The following TRPM6 variants were observed in gnomAD, a reference collection of about 807,000 sequenced individuals.
TRPM6 encodes the protein transient receptor potential cation channel subfamily M member 6.
In TRPM6, 111 loss-of-function variants were observed where a neutral mutation model predicts 247.6. That is an observed-to-expected ratio of 0.45 (90% CI 0.38 to 0.52). The LOEUF (loss-of-function observed/expected upper bound fraction) is 0.52, where lower values mean the gene tolerates loss of function less well. Ranked by LOEUF, TRPM6 falls within the 20% of genes least tolerant of loss-of-function variation. The probability of loss-of-function intolerance (pLI) is 0.00; values close to 1 mark genes in which losing one functional copy is unlikely to be tolerated. For synonymous variants in TRPM6, 892 were observed against 853.8 expected, an observed-to-expected ratio of 1.04 and a Z score of -0.78; for missense variants, 2,126 against 2,421.5, an observed-to-expected ratio of 0.88 and a Z score of 2.56.
At chr9:74,854,379 TTATTA>T (rs1374560584) in intron 3 of TRPM6, among the ~76,000 whole-genome samples, 5 of 152,232 alleles carry the variant, frequency 3.3e-5, no homozygotes, top group Admixed American at 6.5e-5. Flanking sequence ...TCTTTTCTTT[TTATTA>T]TATTCTTATT....
intron 30 of TRPM6, among the ~76,000 whole-genome samples, chr9:74,749,820 G>C (rs1826177040): frequency 6.6e-6 from 1 of 152,138 alleles, no homozygotes; most frequent in African/African-American, 2.4e-5. Context: ...TTTAAGTCTG[G>C]AGGCAGGCTT....
intron 3 of TRPM6, among the ~76,000 whole-genome samples, chr9:74,844,378 G>A (rs766048100): frequency 3.3e-5 from 5 of 152,224 alleles, no homozygotes; most frequent in Admixed American, 6.5e-5. Context: ...TTTGTTTAGT[G>A]TAGGTACCTC....
intron 7 of TRPM6, 26 bp downstream of exon 7, chr9:74,827,752 G>A: frequency 1.2e-6 from 2 of 1,613,240 alleles, no homozygotes; most frequent in Non-Finnish European, 1.7e-6. Flanking sequence ...AACCAGACTG[G>A]GTGACTGAGC....
intron 4 of TRPM6, among the ~76,000 whole-genome samples, chr9:74,841,368 A>C (rs1397944542): frequency 6.6e-6 from 1 of 152,262 alleles, no homozygotes; most frequent in African/African-American, 2.4e-5. Flanking sequence ...TACAGGAAGA[A>C]GTAAGGACAA....
At chr9:74,770,274 T>C (rs774544262) in intron 25 of TRPM6, among the ~76,000 whole-genome samples, 3 of 152,150 alleles carry the variant, frequency 2.0e-5, no homozygotes, top group Admixed American at 6.5e-5. Context: ...TACCTGATAT[T>C]TGACATCAGA....
chr9:74,812,934 A>C (rs1288560555), intron 11 of TRPM6, among the ~76,000 whole-genome samples: 1 of 152,254 alleles, frequency 6.6e-6, no homozygotes, highest in East Asian at 1.9e-4. Context: ...AGAAATGTGC[A>C]GGACTTAAGT....
intron 20 of TRPM6, 102 bp downstream of exon 20, chr9:74,788,512 T>G (rs1430855569): frequency 2.1e-6 from 3 of 1,423,302 alleles, no homozygotes; most frequent in African/African-American, 1.4e-5. Context: ...TCCCCCACCC[T>G]TGACATGTCC....
At chr9:74,866,547 T>A (rs1288138700) in intron 1 of TRPM6, among the ~76,000 whole-genome samples, 2 of 152,192 alleles carry the variant, frequency 1.3e-5, no homozygotes, top group Admixed American at 6.5e-5. Flanking sequence ...AATGGCGTGA[T>A]CTCGGCTCAC....
intron 3 of TRPM6, among the ~76,000 whole-genome samples, chr9:74,853,321 G>A (rs1422091835): frequency 6.6e-6 from 1 of 150,766 alleles, no homozygotes; most frequent in African/African-American, 2.4e-5. Flanking sequence ...GAGGTTGGGG[G>A]GCGCCTCTGC....
chr9:74,825,118 C>T (rs915715895), intron 7 of TRPM6, among the ~76,000 whole-genome samples: 4 of 152,018 alleles, frequency 2.6e-5, no homozygotes, highest in South Asian at 2.1e-4. Context: ...AAAAATTAGC[C>T]GGGTGTGGTG....
chr9:74,807,370 C>G (rs1828560412), intron 14 of TRPM6, among the ~76,000 whole-genome samples: 1 of 152,154 alleles, frequency 6.6e-6, no homozygotes, highest in Non-Finnish European at 1.5e-5. Context: ...AACAAAAATA[C>G]CCAAAACTAC....
At position 74,858,706 on chromosome 9, in the gene TRPM6, A is replaced by T. The variant is rs1233260039; in HGVS notation, c.76T>A (p.Cys26Ser). The T allele has an allele frequency of 6.2e-7, 1 of 1,613,536 alleles. No homozygotes were observed. The highest frequency in any genetic ancestry group is 1.3e-5 in the African/African-American group (1 of 74,926). Reference protein sequence around the residue: ...WIKGVFDKRECSTIIPSSKNP... With the variant: ...WIKGVFDKRESSTIIPSSKNP... Reference sequence around the variant, plus strand: ...TTTGAGCTGGGTATGATTGTGCTACATTCTCTCTTGTCAAATACTCCTTTA... The same window carrying T: ...TTTGAGCTGGGTATGATTGTGCTACTTTCTCTCTTGTCAAATACTCCTTTA... Residue 26 changes from cysteine (C) to serine (S), a missense_variant, in exon 2 of 39, where the codon TGT (cysteine) becomes AGT (serine). By Grantham distance (112) the Cys-to-Ser change is moderately radical. This residue lies in a region of TRPM6 where 1,082 missense variants were observed against 1,307.9 expected (regional missense o/e 0.83). Coordinates refer to ENST00000360774, the MANE Select transcript of TRPM6 (RefSeq NM_017662.5).
rs774772498 is a variant in TRPM6, at chr9:74,800,454, A to G, written c.2038T>C (p.Leu680=). The G allele has an allele frequency of 1.2e-6, 2 of 1,613,994 alleles. No homozygotes were observed. The highest frequency in any genetic ancestry group is 1.7e-5 in the Admixed American group (1 of 59,992). Residue 680 remains leucine (L), a synonymous_variant, in exon 17 of 39, where the codon TTG becomes CTG. Coordinates refer to ENST00000360774, the MANE Select transcript of TRPM6 (RefSeq NM_017662.5). ...TCATTCTGCTTGAATGCCTTCTCCA[A>G]CAAGTCCAGAGCCAGCTGGCCAAAC... ...KQFGQLALDL[L]EKAFKQNERM...
chr9:74,744,889 T>C (rs1825982934), intron 31 of TRPM6, among the ~76,000 whole-genome samples: 1 of 152,224 alleles, frequency 6.6e-6, no homozygotes, highest in Non-Finnish European at 1.5e-5. Context: ...TGGGTTTTTG[T>C]TGCTGGATAA....
chr9:74,879,468 G>C (rs1002496742), intron 1 of TRPM6, among the ~76,000 whole-genome samples: 1 of 151,980 alleles, frequency 6.6e-6, no homozygotes, highest in Non-Finnish European at 1.5e-5. Flanking sequence ...ATAATGTCAG[G>C]TGTGTTAGGC....
Position 74,833,926 on chromosome 9 carries a change from C to T in TRPM6, c.669+72G>A. The T allele has an allele frequency of 1.9e-6, 3 of 1,590,272 alleles. No homozygotes were observed. In the Admixed American group the frequency reaches 5.0e-5, roughly 27 times the overall value. ...CTGTAATGTTCATTCATTAGACATC[C>T]AGGTACAGTGTTAAGCTGGCAATTT... is the stretch of plus-strand genomic sequence containing the variant. On this transcript the variant is annotated intron_variant, in intron 6 of 38. Transcript: ENST00000360774.
intron 14 of TRPM6, among the ~76,000 whole-genome samples, chr9:74,805,050 A>G (rs941997912): frequency 7.2e-5 from 11 of 152,228 alleles, no homozygotes; most frequent in African/African-American, 2.7e-4. Context: ...TTAAATGATC[A>G]TTGCAACTGA....
chr9:74,732,504 TC>T (rs376803148), intron 37 of TRPM6, among the ~76,000 whole-genome samples, 180 bp downstream of exon 37: 11 of 152,334 alleles, frequency 7.2e-5, no homozygotes, highest in Admixed American at 3.3e-4. Flanking sequence ...TTCCATATTT[TC>T]CCCCCATTTC....
chr9:74,738,629 G>A lies in TRPM6; in HGVS notation c.5571-17C>T. 6.2e-7 allele frequency: 1 copy of A among 1,611,820 alleles called. No homozygotes were observed. Among genetic ancestry groups the A allele is most frequent in the African/African-American group, 1.3e-5 (1 of 74,960 alleles). ...TCCAGGAACCTGTTAGGGAAAAAGA[G>A]GCCATTGATCCCCCACAATACAGCA... On this transcript the variant is annotated splice_polypyrimidine_tract_variant and intron_variant, in intron 35 of 38. Coordinates refer to ENST00000360774, the MANE Select transcript of TRPM6 (RefSeq NM_017662.5).
Sources: gnomAD v4.1 joint callset for allele counts (sites outside exome capture counted in the v4.1 genomes callset) on GRCh38, gnomAD v4.1.1 for gene constraint, gnomAD v4.1.1 regional missense constraint, MANE v1.5 for transcripts, NCBI Gene and HGNC (gene_info 2026-07-23, HGNC 2026-07-21) for gene names.